Variants in SHROOM3 observed in about 807,000 individuals in gnomAD.
The protein encoded by SHROOM3 is protein Shroom3.
SHROOM3 carries 47 observed loss-of-function variants against 138.6 expected under a neutral mutation model. That is an observed-to-expected ratio of 0.34 (90% confidence interval 0.27 to 0.43). The LOEUF is 0.43. SHROOM3 is among the 20% of genes least tolerant of loss of function. SHROOM3 has a pLI of 1.00. For synonymous variants in SHROOM3, 1,062 were observed against 1,063.3 expected (o/e 1.00, Z 0.02); for missense variants, 2,491 against 2,596.5 (o/e 0.96, Z 0.88).
At chr4:76,714,247 C>T (rs1720310437) in intron 3 of SHROOM3, among the ~76,000 whole-genome samples, 1 of 152,202 alleles carries the variant, frequency 6.6e-6, no homozygotes, top group Admixed American at 6.5e-5. Flanking sequence ...CCATTAATGT[C>T]CTGTTTCTGT....
rs1291744313 is a variant in SHROOM3 at position 76,616,546 on chromosome 4, G to T, written c.323+60783G>T. 1.3e-5 allele frequency among the ~76,000 whole-genome samples: 2 copies of T among 152,118 alleles called. 1 individual carries two copies. Among genetic ancestry groups the T allele is most frequent in the African/African-American group, 4.8e-5 (2 of 41,424 alleles). On this transcript the variant is annotated intron_variant, in intron 2 of 10. Coordinates refer to ENST00000296043, the MANE Select transcript of SHROOM3 (RefSeq NM_020859.4). ...TGCTATCCCATGGATGAAACTTGAG[G>T]ATGTTATACTAAGTGAAATAAGCCA...
chr4:76,670,694 C>T (rs1427636884), intron 2 of SHROOM3, among the ~76,000 whole-genome samples: 3 of 152,184 alleles, frequency 2.0e-5, no homozygotes, highest in Non-Finnish European at 2.9e-5. Context: ...TGGCACATGC[C>T]TGTAATCCTA....
intron 1 of SHROOM3, among the ~76,000 whole-genome samples, chr4:76,551,491 C>T (rs548323212): frequency 9.2e-5 from 14 of 152,302 alleles, no homozygotes; most frequent in African/African-American, 3.4e-4. Flanking sequence ...GTGTTCATCA[C>T]TGTACTCGCA....
Position 76,740,465 on chromosome 4 carries a change from C to G in SHROOM3, c.2292C>G (p.Gly764=). 1 of 1,611,588 alleles carries G rather than the reference C, an allele frequency of 6.2e-7. No individual in the cohort carries two copies. Among genetic ancestry groups the G allele is most frequent in the Non-Finnish European group, 8.5e-7 (1 of 1,178,564 alleles). The part of the protein sequence containing the change: ...SSLGRRGPGP[G]SASALQGFQY... Reference sequence around the variant, plus strand: ...TGGGCCGGAGGGGGCCCGGCCCAGGCAGCGCCTCGGCTCTTCAGGGCTTTC... The same window carrying G: ...TGGGCCGGAGGGGGCCCGGCCCAGGGAGCGCCTCGGCTCTTCAGGGCTTTC... Residue 764 remains glycine (G), a synonymous_variant, in exon 5 of 11, where the codon GGC becomes GGG. Transcript: ENST00000296043. The surrounding 1 kb of genome is among the most constrained non-coding windows in gnomAD (Gnocchi z 4.0).
At chr4:76,478,041 C>T (rs1731525451) in intron 1 of SHROOM3, among the ~76,000 whole-genome samples, 1 of 152,172 alleles carries the variant, frequency 6.6e-6, no homozygotes, top group Admixed American at 6.5e-5. Context: ...AAGCACAAAA[C>T]TGGGCGGTTG....
At chr4:76,593,997 A>G (rs1268768432) in intron 2 of SHROOM3, among the ~76,000 whole-genome samples, 1 of 152,164 alleles carries the variant, frequency 6.6e-6, no homozygotes, top group South Asian at 2.1e-4. Context: ...TTTTGGAAAA[A>G]CATTTCTGCA....
intron 2 of SHROOM3, among the ~76,000 whole-genome samples, chr4:76,618,979 C>G (rs1388481706): frequency 6.6e-6 from 1 of 152,162 alleles, no homozygotes; most frequent in Non-Finnish European, 1.5e-5. Context: ...TCCTGAGTAG[C>G]TGGGATAATA....
intron 1 of SHROOM3, among the ~76,000 whole-genome samples, chr4:76,489,938 AC>A (rs1220459211): frequency 6.6e-6 from 1 of 152,286 alleles, no homozygotes; most frequent in Non-Finnish European, 1.5e-5. Flanking sequence ...TTTATTGAAA[AC>A]GAAAGTACCC....
intron 1 of SHROOM3, among the ~76,000 whole-genome samples, chr4:76,466,131 G>A (rs1021504403): frequency 2.2e-4 from 34 of 152,192 alleles, no homozygotes; most frequent in African/African-American, 6.8e-4. Flanking sequence ...TAGGGTTGGT[G>A]TGATGTTCTC....
intron 2 of SHROOM3, among the ~76,000 whole-genome samples, chr4:76,672,052 AG>A (rs1718899081): frequency 6.6e-6 from 1 of 152,170 alleles, no homozygotes; most frequent in African/African-American, 2.4e-5. Context: ...GTGATACCAT[AG>A]CCCCCACATT....
Position 76,765,091 on chromosome 4 carries a change from C to T in SHROOM3, c.5349+5396C>T, listed in dbSNP as rs76309538. Among the ~76,000 whole-genome samples, 249 of 150,230 alleles carry T rather than the reference C, an allele frequency of 1.7e-3. 2 individuals are homozygous for T. The highest frequency in any genetic ancestry group is 5.6e-3 in the African/African-American group (231 of 41,088). On this transcript the variant is annotated intron_variant, in intron 9 of 10. Coordinates refer to ENST00000296043, the MANE Select transcript of SHROOM3 (RefSeq NM_020859.4). ...TCTGTTTTCAAGTTCACTGACTTTCCTATCTCCATTCTGCCAGTGATTTTT... is the reference window on the plus strand; with the variant it reads ...TCTGTTTTCAAGTTCACTGACTTTCTTATCTCCATTCTGCCAGTGATTTTT...
chr4:76,710,130 GCTT>G, intron 2 of SHROOM3, 23 bp from the exon 3 acceptor site: 2 of 1,613,626 alleles, frequency 1.2e-6, no homozygotes, highest in Non-Finnish European at 1.7e-6. Context: ...ATCATGCTCA[GCTT>G]CTTCTTTTCC....
At chr4:76,562,060 C>G (rs1361059274) in intron 2 of SHROOM3, among the ~76,000 whole-genome samples, 2 of 152,056 alleles carry the variant, frequency 1.3e-5, no homozygotes, top group African/African-American at 4.8e-5. Flanking sequence ...AACAAAGAAG[C>G]TTATGTTTGA....
Position 76,739,761 on chromosome 4 carries a change from T to G in SHROOM3, c.1588T>G (p.Phe530Val), listed in dbSNP as rs1721186877. ...TGGATCTGGCAGGCCTGGGTTTGCC[T>G]TCTGCCAGCCCTTAGAACATGACTT... is the stretch of plus-strand genomic sequence containing the variant. ...QNGSGRPGFA[F>V]CQPLEHDLLS... The change falls in exon 5 of 11, where the codon TTC becomes GTC. Residue 530 changes from phenylalanine to valine, a missense_variant. Phe to Val is a conservative substitution (Grantham distance 50). Transcript: ENST00000296043. The G allele has an allele frequency of 6.2e-7, 1 of 1,614,070 alleles. No homozygotes were observed. The highest frequency in any genetic ancestry group is 8.5e-7 in the Non-Finnish European group (1 of 1,180,044).
intron 3 of SHROOM3, among the ~76,000 whole-genome samples, chr4:76,712,584 G>A (rs753023060): frequency 6.6e-6 from 1 of 152,154 alleles, no homozygotes; most frequent in Non-Finnish European, 1.5e-5. Flanking sequence ...AAAGCTGGCC[G>A]ATGGCGCTAT....
chr4:76,510,191 G>T (rs1454037080), intron 1 of SHROOM3, among the ~76,000 whole-genome samples: 2 of 152,052 alleles, frequency 1.3e-5, no homozygotes, highest in Non-Finnish European at 1.5e-5. Flanking sequence ...GACCTCCTCA[G>T]TATTATTTTA....
chr4:76,441,372 C>A (rs1357236722), intron 1 of SHROOM3, among the ~76,000 whole-genome samples: 1 of 152,140 alleles, frequency 6.6e-6, no homozygotes, highest in South Asian at 2.1e-4. Context: ...GGATTACAGG[C>A]GTGAGCCACC....
At chr4:76,596,086 T>C (rs1464780575) in intron 2 of SHROOM3, among the ~76,000 whole-genome samples, 1 of 152,164 alleles carries the variant, frequency 6.6e-6, no homozygotes, top group Non-Finnish European at 1.5e-5. Flanking sequence ...TATACTGTCA[T>C]GCACCCCATA....
intron 2 of SHROOM3, among the ~76,000 whole-genome samples, chr4:76,580,924 T>C (rs1734040182): frequency 6.6e-6 from 1 of 152,170 alleles, no homozygotes; most frequent in Admixed American, 6.5e-5. Flanking sequence ...CTTCTACCTT[T>C]CCACCTTATT....
Sources: allele counts gnomAD v4.1 joint callset (sites outside exome capture counted in the v4.1 genomes callset), GRCh38; gene constraint gnomAD v4.1.1; non-coding constraint Gnocchi (gnomAD v3.1); transcripts MANE v1.5; gene names NCBI Gene and HGNC (gene_info 2026-07-23, HGNC 2026-07-21).